The following CUBN variants were observed in gnomAD, a reference collection of about 807,000 sequenced individuals.
CUBN encodes the protein 460 kDa receptor.
Under a neutral mutation model 405.3 loss-of-function variants are expected in CUBN, and 282 were observed. That is an observed-to-expected ratio of 0.70 (90% CI 0.63 to 0.77). CUBN has a LOEUF of 0.77. CUBN is among the 30% of genes least tolerant of loss of function. CUBN has a pLI of 0.00. For synonymous variants in CUBN, 1,684 were observed against 1,617.0 expected (o/e 1.04, Z -0.99); for missense variants, 4,514 against 4,475.2 (o/e 1.01, Z -0.25).
At chr10:16,896,488 A>G (rs1841187373) in intron 54 of CUBN, among the ~76,000 whole-genome samples, 1 of 152,176 alleles carries the variant, frequency 6.6e-6, no homozygotes, top group African/African-American at 2.4e-5. Context: ...TATATTGTCA[A>G]TTCATTAGGG....
chr10:17,013,176 CTCTT>C (rs1387849601), intron 28 of CUBN, among the ~76,000 whole-genome samples: 13 of 152,162 alleles, frequency 8.5e-5, no homozygotes, highest in Admixed American at 3.3e-4. Flanking sequence ...CCCTTTCTCT[CTCTT>C]TGACTCCTTT....
chr10:17,018,855 G>C (rs578244812), intron 28 of CUBN, among the ~76,000 whole-genome samples: 1 of 151,162 alleles, frequency 6.6e-6, no homozygotes, highest in Non-Finnish European at 1.5e-5. Flanking sequence ...GCTGATTGGT[G>C]CATTTACAAA....
intron 22 of CUBN, among the ~76,000 whole-genome samples, chr10:17,061,277 C>G (rs1218133395): frequency 6.6e-6 from 1 of 152,106 alleles, no homozygotes; most frequent in Non-Finnish European, 1.5e-5. Flanking sequence ...CATGCTAAGG[C>G]TTGACTTTCA....
chr10:16,844,288 C>T (rs766571175), intron 60 of CUBN, among the ~76,000 whole-genome samples: 2 of 139,532 alleles, frequency 1.4e-5, no homozygotes, highest in East Asian at 4.1e-4. Flanking sequence ...AAAAAAAAGA[C>T]CTTCCAGACC....
At chr10:17,070,108 C>A (rs563880675) in intron 19 of CUBN, among the ~76,000 whole-genome samples, 8 of 152,026 alleles carry the variant, frequency 5.3e-5, no homozygotes, top group Non-Finnish European at 1.2e-4. Flanking sequence ...CTATTGAGCA[C>A]CATTTGTTGA....
intron 17 of CUBN, among the ~76,000 whole-genome samples, chr10:17,080,004 C>T (rs559086248): frequency 2.6e-5 from 4 of 152,240 alleles, no homozygotes; most frequent in East Asian, 1.9e-4. Context: ...AAGGTTCAGA[C>T]GGAGGACAGA....
intron 29 of CUBN, among the ~76,000 whole-genome samples, chr10:16,986,067 T>C (rs930311245): frequency 3.3e-5 from 5 of 152,182 alleles, no homozygotes; most frequent in Non-Finnish European, 5.9e-5. Flanking sequence ...GGGAATCAAA[T>C]AGAAGATGCT....
intron 31 of CUBN, among the ~76,000 whole-genome samples, chr10:16,965,408 C>T (rs898247284): frequency 3.9e-5 from 6 of 152,138 alleles, no homozygotes; most frequent in African/African-American, 9.7e-5. Context: ...TTGACGTGGA[C>T]GTGATGCAGA....
At chr10:16,970,345 C>A (rs373813612) in intron 31 of CUBN, among the ~76,000 whole-genome samples, 2 of 152,174 alleles carry the variant, frequency 1.3e-5, no homozygotes, top group Non-Finnish European at 2.9e-5. Flanking sequence ...GAGGCCGAGG[C>A]GGGTGGATCA....
At chr10:17,007,104 G>A (rs1480522271) in intron 28 of CUBN, among the ~76,000 whole-genome samples, 1 of 152,188 alleles carries the variant, frequency 6.6e-6, no homozygotes, top group Non-Finnish European at 1.5e-5. Flanking sequence ...GAAGAGGCGA[G>A]GGGGTCTGTG....
intron 31 of CUBN, among the ~76,000 whole-genome samples, chr10:16,967,485 A>G (rs896445020): frequency 2.6e-5 from 4 of 152,242 alleles, no homozygotes; most frequent in African/African-American, 7.2e-5. Flanking sequence ...CTCTTCCTTC[A>G]TCTTGCAGAT....
intron 61 of CUBN, 142 bp from the exon 62 acceptor site, chr10:16,840,677 C>A: frequency 1.1e-6 from 1 of 894,806 alleles, no homozygotes; most frequent in Non-Finnish European, 1.8e-6. Context: ...GGTTTATATC[C>A]TTGACTAAAG....
intron 30 of CUBN, among the ~76,000 whole-genome samples, chr10:16,983,456 C>T (rs1242030310): frequency 6.6e-6 from 1 of 152,186 alleles, no homozygotes; most frequent in Non-Finnish European, 1.5e-5. Flanking sequence ...TTCTAAGCTT[C>T]AGTGTCCACA....
In CUBN at chr10:17,065,975, T is replaced by C. The variant is rs182025958; in HGVS notation, c.3009-337A>G. On this transcript the variant is annotated intron_variant, in intron 21 of 66. Coordinates refer to ENST00000377833, the MANE Select transcript of CUBN (RefSeq NM_001081.4). The stretch of plus-strand genomic sequence containing the variant: ...AAACTTATACAACAAAGGGAAACAA[T>C]ATATCATAAAATCATAGAGTCATCT... Among the ~76,000 whole-genome samples, 413 of 152,252 alleles carry C rather than the reference T, an allele frequency of 2.7e-3. 1 individual carries two copies. The highest frequency in any genetic ancestry group is 4.6e-3 in the Non-Finnish European group (313 of 68,008).
At chr10:17,085,488 G>A in intron 16 of CUBN, 109 bp downstream of exon 16, 1 of 1,099,146 alleles carries the variant, frequency 9.1e-7, no homozygotes, top group Non-Finnish European at 1.4e-6. Flanking sequence ...AAATGTTCTT[G>A]GTCTAAGACA....
chr10:16,955,764 C>A (rs1314299842), intron 31 of CUBN, among the ~76,000 whole-genome samples: 2 of 152,142 alleles, frequency 1.3e-5, no homozygotes, highest in Admixed American at 6.6e-5. Context: ...AACAGGACAA[C>A]AGAGGCACAG....
intron 22 of CUBN, among the ~76,000 whole-genome samples, chr10:17,050,402 A>T (rs1029318601): frequency 6.6e-6 from 1 of 152,236 alleles, no homozygotes; most frequent in African/African-American, 2.4e-5. Flanking sequence ...GCTGAAGTCC[A>T]AGTAGTGAAT....
Position 16,835,180 on chromosome 10 carries a change from T to A in CUBN, c.10196A>T (p.Tyr3399Phe), listed in dbSNP as rs574703032. 1.9e-6 allele frequency: 3 copies of A among 1,613,784 alleles called. No individual in the cohort carries two copies. In the African/African-American group the frequency reaches 4.0e-5, roughly 22 times the overall value. Residue 3399 changes from tyrosine to phenylalanine, a missense_variant, in exon 64 of 67, where the codon TAT becomes TTT. By Grantham distance (22) the Tyr-to-Phe change is conservative. Transcript: ENST00000377833. ...TCTCAGGTTGCCAAATGCCTTGTGA[T>A]AGTCTCTGTTGCAATCTTAGAGGAA... ...TYQIADCNRD[Y>F]HKAFGNLRSP... is the part of the protein sequence containing the mutation.
At chr10:17,106,814 T>C (rs1836644405) in intron 10 of CUBN, among the ~76,000 whole-genome samples, 1 of 152,210 alleles carries the variant, frequency 6.6e-6, no homozygotes, top group Admixed American at 6.5e-5. Flanking sequence ...TCCCCAGTTA[T>C]GTGGATGTGC....
Sources: allele counts gnomAD v4.1 joint callset (sites outside exome capture counted in the v4.1 genomes callset), GRCh38; gene constraint gnomAD v4.1.1; transcripts MANE v1.5; gene names NCBI Gene and HGNC (gene_info 2026-07-23, HGNC 2026-07-21).